PSG6: variants seen among roughly 807,000 people sequenced by gnomAD.
PSG6 encodes the protein pregnancy-specific beta-1-glycoprotein 6.
In PSG6, 51 loss-of-function variants were observed where a neutral mutation model predicts 43.3. The ratio of observed to expected loss-of-function variants is 1.18; its 90% confidence interval spans 0.94 to 1.49. The LOEUF (loss-of-function observed/expected upper bound fraction) is 1.49, where lower values mean the gene tolerates loss of function less well. Among genes scored for constraint, PSG6 ranks in the 40% most tolerant of loss-of-function variants. The pLI, the probability that PSG6 is intolerant of heterozygous loss-of-function variation, is 0.00. For missense variants in PSG6, 770 were observed against 522.2 expected, an observed-to-expected ratio of 1.47 and a Z score of -4.62; for synonymous variants, 292 against 197.6, an observed-to-expected ratio of 1.48 and a Z score of -4.01.
At chr19:42,917,617 C>G (rs141274363) in intron 1 of PSG6, 112 bp downstream of exon 1, 1 of 1,485,104 alleles carries the variant, frequency 6.7e-7, no homozygotes, top group Non-Finnish European at 9.2e-7. Context: ...CCCACCTCAG[C>G]CTCCCTAAGT....
rs200244036 is a variant in PSG6 at position 42,907,606 on chromosome 19, G to A, written c.955C>T (p.Arg319Cys). ...CEIRDRYGGI[R>C]SNPVTLNVLY... ...ACATTCAGGGTGACTGGGTTACTGC[G>A]GATGCCACCATATCGGTCCCGTATT... The change falls in exon 4 of 6, where the codon CGC (arginine) becomes TGC (cysteine). Residue 319 changes from arginine (R) to cysteine (C), a missense_variant. Physicochemically the swap from Arg to Cys is radical, Grantham distance 180 (BLOSUM62 -3). Transcript: ENST00000187910. The A allele has an allele frequency of 1.1e-4, 175 of 1,611,984 alleles. 4 individuals carry two copies. Among genetic ancestry groups the A allele is most frequent in the East Asian group, 2.2e-4 (10 of 44,782 alleles).
In PSG6 at chr19:42,902,403, TG is replaced by T. The variant is rs1400768259; in HGVS notation, c.*8del. 6.2e-7 allele frequency: 1 copy of T among 1,610,890 alleles called. No individual in the cohort carries two copies. The highest frequency in any genetic ancestry group is 1.7e-5 in the Admixed American group (1 of 59,840). Reference sequence around the variant, plus strand: ...GTTCTTTTTCTCAGTGTCTCTATTGTGGCAGCCATTAATGAGACTCTGTCTG... The same window carrying T: ...GTTCTTTTTCTCAGTGTCTCTATTGTGCAGCCATTAATGAGACTCTGTCTG... On this transcript the variant is annotated 3_prime_UTR_variant, in exon 6 of 6. Transcript: ENST00000187910.
rs576858247 is a variant in PSG6, at chr19:42,909,090, G to A, written c.707-1236C>T. ...CTCAAATATTTGTCATATACTTACTGGTTTAGCATCCCAAATCTGAAAGAT... is the reference window on the plus strand; with the variant it reads ...CTCAAATATTTGTCATATACTTACTAGTTTAGCATCCCAAATCTGAAAGAT... On this transcript the variant is annotated intron_variant, in intron 3 of 5. Transcript: ENST00000187910. Among the ~76,000 whole-genome samples, 32 of 151,808 alleles carry A rather than the reference G, an allele frequency of 2.1e-4. 1 individual carries two copies. Among genetic ancestry groups the A allele is most frequent in the Non-Finnish European group, 4.6e-4 (31 of 67,942 alleles).
intron 3 of PSG6, among the ~76,000 whole-genome samples, chr19:42,908,988 C>T (rs1182216120): frequency 3.3e-5 from 5 of 151,498 alleles, no homozygotes; most frequent in African/African-American, 1.2e-4. Flanking sequence ...AGCTTGATGC[C>T]TATAGTTCAC....
chr19:42,907,009 T>A lies in PSG6; in HGVS notation c.1153A>T (p.Thr385Ser), dbSNP rs190022154. Reference sequence around the variant, plus strand: ...CAAGCATAGAGCCCGCTATGATTTGTAGTAATTTGGGGGATAAAGAGCTTT... The same window carrying A: ...CAAGCATAGAGCCCGCTATGATTTGAAGTAATTTGGGGGATAAAGAGCTTT... ...GQKLFIPQIT[T>S]NHSGLYACSV... Residue 385 changes from threonine (T) to serine (S), a missense_variant, in exon 5 of 6, where the codon ACA (threonine) becomes TCA (serine). Coordinates refer to ENST00000187910, the MANE Select transcript of PSG6 (RefSeq NM_001031850.4). 26 of 1,612,476 alleles carry A rather than the reference T, an allele frequency of 1.6e-5. 1 individual carries two copies. The highest frequency in any genetic ancestry group is 5.3e-5 in the African/African-American group (4 of 74,840).
chr19:42,911,408 G>T (rs576015768), intron 2 of PSG6, among the ~76,000 whole-genome samples: 3 of 151,506 alleles, frequency 2.0e-5, no homozygotes, highest in Non-Finnish European at 4.4e-5. Flanking sequence ...AGGCCTGGAG[G>T]TCAGTTCAGT....
In PSG6 at chr19:42,906,753, C is replaced by G. The variant is rs1025222836; in HGVS notation, c.1240+169G>C. 45 of 1,558,754 alleles carry G rather than the reference C, an allele frequency of 2.9e-5. 4 individuals are homozygous for G. In the South Asian group the frequency reaches 5.1e-4, roughly 18 times the overall value. On this transcript the variant is annotated intron_variant, in intron 5 of 5. Coordinates refer to ENST00000187910, the MANE Select transcript of PSG6 (RefSeq NM_001031850.4). ...AGCCATGAGAAAACAGAAAAACAAG[C>G]AGAAGAGAGTCTGTAGAGATAAGTT...
At chr19:42,915,884 TC>T (rs1372738482) in intron 2 of PSG6, 1 of 597,414 alleles carries the variant, frequency 1.7e-6, no homozygotes. Context: ...TCCTGCTGAG[TC>T]CCCCCATCAG....
rs754769893 is a variant in PSG6 at position 42,916,482 on chromosome 19, G to T, written c.70C>A (p.Leu24Ile). Residue 24 changes from leucine to isoleucine, a missense_variant, in exon 2 of 6, where the codon CTT becomes ATT. Coordinates refer to ENST00000187910, the MANE Select transcript of PSG6 (RefSeq NM_001031850.4). Reference sequence around the variant, plus strand: ...GTGGGCAGGTTCCAGAAGTTTAAAAGTGATGCTAGGAGGTAGAGACAGCAT... The same window carrying T: ...GTGGGCAGGTTCCAGAAGTTTAAAATTGATGCTAGGAGGTAGAGACAGCAT... ...TWKGLLLTAS[L>I]LNFWNLPTTA... 2 of 1,609,396 alleles carry T rather than the reference G, an allele frequency of 1.2e-6. No individual in the cohort carries two copies. The highest frequency in any genetic ancestry group is 2.7e-5 in the African/African-American group (2 of 74,482).
In PSG6 at chr19:42,907,266, C is replaced by T. The variant is rs1008811278; in HGVS notation, c.986-90G>A. On this transcript the variant is annotated intron_variant, in intron 4 of 5. Coordinates refer to ENST00000187910, the MANE Select transcript of PSG6 (RefSeq NM_001031850.4). ...TAAAGGGACACAGTGACCCTCTGAA[C>T]CAAGACACAACCTCAAGTGACAGCC... 1.1e-5 allele frequency: 17 copies of T among 1,535,792 alleles called. No individual in the cohort carries two copies. In the African/African-American group the frequency reaches 1.2e-4, roughly 11 times the overall value.
rs1270685036 is a variant in PSG6, at chr19:42,902,362, A to T, written c.*50T>A. On this transcript the variant is annotated 3_prime_UTR_variant, in exon 6 of 6. Coordinates refer to ENST00000187910, the MANE Select transcript of PSG6 (RefSeq NM_001031850.4). ...TTTTTTCTTCTTTGTCTTGAATTTC[A>T]TGAAGGTATCAACCTGTTCTTTTTC... The T allele has an allele frequency of 3.1e-6, 5 of 1,591,984 alleles. No individual in the cohort carries two copies. The highest frequency in any genetic ancestry group is 4.3e-6 in the Non-Finnish European group (5 of 1,166,522).
rs1065513 is a variant in PSG6, at chr19:42,907,802, C to A, written c.759G>T (p.Lys253Asn). The A allele has an allele frequency of 7.3e-5, 117 of 1,611,306 alleles. 2 individuals are homozygous for A. The highest frequency in any genetic ancestry group is 1.9e-4 in the Middle Eastern group (1 of 5,230). ...CACAGGTGAAGGCTAACACATCCTT[C>A]TTCTCCCTGGGGTTTAAGTTGTTGA... ...ITINNLNPRE[K>N]KDVLAFTCEP... is the part of the protein sequence containing the mutation. Residue 253 changes from lysine to asparagine, a missense_variant, in exon 4 of 6, where the codon AAG (lysine) becomes AAT (asparagine). Physicochemically the swap from Lys to Asn is moderately conservative, Grantham distance 94 (BLOSUM62 0). Transcript: ENST00000187910.
At chr19:42,914,914 G>A (rs1972296432) in intron 2 of PSG6, among the ~76,000 whole-genome samples, 1 of 151,624 alleles carries the variant, frequency 6.6e-6, no homozygotes, top group Non-Finnish European at 1.5e-5. Context: ...GTTAAGATCT[G>A]AGGGGGAGAC....
chr19:42,906,410 G>A (rs182103820), intron 5 of PSG6, among the ~76,000 whole-genome samples: 1 of 147,666 alleles, frequency 6.8e-6, no homozygotes, highest in African/African-American at 2.7e-5. Flanking sequence ...GAGTCAGGCA[G>A]GGCCAGGCCA....
At position 42,907,189 on chromosome 19, in the gene PSG6, G is replaced by A. The variant is rs763231208; in HGVS notation, c.986-13C>T. On this transcript the variant is annotated splice_polypyrimidine_tract_variant and intron_variant, in intron 4 of 5. Coordinates refer to ENST00000187910, the MANE Select transcript of PSG6 (RefSeq NM_001031850.4). ...AGGTCTGGACCATCTGGAGGAAAGA[G>A]AATAAAGCCACAGGTGATGTCATCC... 3.1e-6 allele frequency: 5 copies of A among 1,608,650 alleles called. No individual in the cohort carries two copies. The highest frequency in any genetic ancestry group is 3.4e-6 in the Non-Finnish European group (4 of 1,176,810).
At position 42,904,976 on chromosome 19, in the gene PSG6, G is replaced by T. The variant is rs1290332308; in HGVS notation, c.1240+1946C>A. ...GAAATATCATAGCCCAGAAAGAAAT[G>T]CTTGCATATATGGCCAAATGATTTT... On this transcript the variant is annotated intron_variant, in intron 5 of 5. Coordinates refer to ENST00000187910, the MANE Select transcript of PSG6 (RefSeq NM_001031850.4). Among the ~76,000 whole-genome samples the T allele has an allele frequency of 4.0e-5, 6 of 151,582 alleles. 1 individual carries two copies. Among genetic ancestry groups the T allele is most frequent in the Non-Finnish European group, 5.9e-5 (4 of 67,866 alleles).
chr19:42,910,416 C>G lies in PSG6; in HGVS notation c.706+164G>C, dbSNP rs752636079. 9 of 1,556,982 alleles carry G rather than the reference C, an allele frequency of 5.8e-6. 1 individual carries two copies. The Admixed American group carries it at 1.3e-4, about 23-fold the overall frequency. ...CTCTTCTCTCTTATTGTTGATCAAG[C>G]CTAGGCCTACTCTGGTTTGCCTGGA... On this transcript the variant is annotated intron_variant, in intron 3 of 5. Coordinates refer to ENST00000187910, the MANE Select transcript of PSG6 (RefSeq NM_001031850.4).
At chr19:42,906,743 GAA>G in intron 5 of PSG6, 177 bp downstream of exon 5, 1 of 1,547,240 alleles carries the variant, frequency 6.5e-7, no homozygotes, top group Non-Finnish European at 8.7e-7. Context: ...TGAGAAAACA[GAA>G]AAACAAGCAG....
rs765634765 is a variant in PSG6 at position 42,902,428 on chromosome 19, T to C, written c.1259A>G (p.Gln420Arg). 3 of 1,611,290 alleles carry C rather than the reference T, an allele frequency of 1.9e-6. No homozygotes were observed. Among genetic ancestry groups the C allele is most frequent in the East Asian group, 2.2e-5 (1 of 44,790 alleles). The change falls in exon 6 of 6, where the codon CAG (glutamine) becomes CGG (arginine). Residue 420 changes from glutamine (Q) to arginine (R), a missense_variant. Coordinates refer to ENST00000187910, the MANE Select transcript of PSG6 (RefSeq NM_001031850.4). ...VKVSGPCHGNQTESH is the reference protein window; with the variant it reads ...VKVSGPCHGNRTESH ...TGGCAGCCATTAATGAGACTCTGTC[T>C]GGTTTCCATGGCAGGGACCTGATTG...
Sources: allele counts gnomAD v4.1 joint callset (sites outside exome capture counted in the v4.1 genomes callset), GRCh38; gene constraint gnomAD v4.1.1; transcripts MANE v1.5; gene names NCBI Gene and HGNC (gene_info 2026-07-23, HGNC 2026-07-21).